The following FRMD6 variants were observed in gnomAD, a reference collection of about 807,000 sequenced individuals.
FRMD6 encodes FERM domain containing 6.
A neutral mutation model predicts 73.2 loss-of-function variants in FRMD6; 37 were observed. The ratio of observed to expected loss-of-function variants is 0.51; its 90% CI spans 0.39 to 0.66. The LOEUF is 0.66. Among genes scored for constraint, FRMD6 ranks in the 30% least tolerant of loss-of-function variants. FRMD6 has a pLI of 0.00. For missense variants in FRMD6, 714 were observed against 780.5 expected (o/e 0.91, Z 1.02); for synonymous variants, 273 against 282.2 (o/e 0.97, Z 0.33).
In FRMD6 at chr14:51,725,842, G is replaced by A. The variant is rs367984773; in HGVS notation, c.1556G>A (p.Arg519His). The A allele has an allele frequency of 2.5e-5, 40 of 1,613,392 alleles. No homozygotes were observed. Among genetic ancestry groups the A allele is most frequent in the Middle Eastern group, 1.6e-4 (1 of 6,080 alleles). ...SSSSETVVKL[R>H]GQSTDSLPQT... ...TCTTCAGAAACAGTTGTTAAGCTTC[G>A]TGGCCAGAGTACTGATTCTCTTCCA... Residue 519 changes from arginine to histidine, a missense_variant, in exon 13 of 14, where the codon CGT becomes CAT. Physicochemically the swap from Arg to His is conservative, Grantham distance 29 (BLOSUM62 0). Transcript: ENST00000344768.
chr14:51,407,813 G>C, the FRMD6 span, among the ~76,000 whole-genome samples: 2,052 of 152,128 alleles, frequency 0.013, 27 homozygotes, highest in African/African-American at 0.034. Context: ...TTAATTGCCT[G>C]ATTAGCAGAG....
At chr14:51,466,519 C>G in the FRMD6 span, among the ~76,000 whole-genome samples, 6 of 152,092 alleles carry the variant, frequency 3.9e-5, no homozygotes, top group African/African-American at 1.2e-4. Context: ...ATTTCTTTCC[C>G]CATTGAATCA....
chr14:51,473,787 A>T, the FRMD6 span, among the ~76,000 whole-genome samples: 1 of 151,128 alleles, frequency 6.6e-6, no homozygotes, highest in Non-Finnish European at 1.5e-5. Context: ...AAGGACTTGT[A>T]GTCCTGGTCT....
At chr14:51,694,076 G>A (rs945753751) in intron 2 of FRMD6, among the ~76,000 whole-genome samples, 9 of 152,152 alleles carry the variant, frequency 5.9e-5, no homozygotes, top group African/African-American at 1.9e-4. Flanking sequence ...TCCCTGACAG[G>A]TGTGGTTGAT....
intron 2 of FRMD6, among the ~76,000 whole-genome samples, chr14:51,696,744 G>A (rs948009851): frequency 8.3e-5 from 9 of 109,054 alleles, no homozygotes; most frequent in African/African-American, 2.6e-4. Flanking sequence ...GAGAGACCCT[G>A]TCTCTACAAA....
chr14:51,503,384 T>C (rs1277073499), intron 1 of FRMD6, among the ~76,000 whole-genome samples: 3 of 152,202 alleles, frequency 2.0e-5, no homozygotes, highest in Admixed American at 6.5e-5. Context: ...AATACCTAGT[T>C]TATTGAGAGT....
At chr14:51,672,571 G>A (rs1894085062) in intron 1 of FRMD6, among the ~76,000 whole-genome samples, 1 of 152,164 alleles carries the variant, frequency 6.6e-6, no homozygotes. Context: ...GATGCACTAG[G>A]TGGCTGGTAT....
intron 1 of FRMD6, among the ~76,000 whole-genome samples, chr14:51,661,535 A>T (rs921895830): frequency 6.6e-6 from 1 of 152,116 alleles, no homozygotes; most frequent in Non-Finnish European, 1.5e-5. Context: ...GGTTGTGTTG[A>T]TAAGGAGGAA....
rs537051242 is a variant in FRMD6, at chr14:51,700,687, C to T, written c.191-369C>T. 5.9e-5 allele frequency among the ~76,000 whole-genome samples: 9 copies of T among 152,092 alleles called. No individual in the cohort carries two copies. The East Asian group carries it at 1.7e-3, about 29-fold the overall frequency. ...ATTATTTTGTACCTATAAGAGCAGG[C>T]TTCTTTGAGCTGAACAAAAGCATGT... On this transcript the variant is annotated intron_variant, in intron 3 of 13. Transcript: ENST00000344768.
intron 1 of FRMD6, among the ~76,000 whole-genome samples, chr14:51,663,993 C>CA (rs1893404247): frequency 6.6e-6 from 1 of 152,224 alleles, no homozygotes; most frequent in Non-Finnish European, 1.5e-5. Flanking sequence ...CCCCATCTCC[C>CA]AATGCTATTG....
At chr14:51,503,251 G>C (rs902535935) in intron 1 of FRMD6, among the ~76,000 whole-genome samples, 1 of 152,184 alleles carries the variant, frequency 6.6e-6, no homozygotes, top group South Asian at 2.1e-4. Context: ...GGAGTGGTGA[G>C]AGGGGGCATT....
rs772417698 is a variant in FRMD6, at chr14:51,720,339, G to A, written c.1309G>A (p.Gly437Arg). ...MTSHGSSHTSGVESGGKDRLE... is the reference protein window; with the variant it reads ...MTSHGSSHTSRVESGGKDRLE... ...CAGTCATGGCAGCTCCCACACCTCA[G>A]GGGTGGAGAGTGGCGGCAAAGACCG... Residue 437 changes from glycine (G) to arginine (R), a missense_variant, in exon 11 of 14, where the codon GGG becomes AGG. Physicochemically the swap from Gly to Arg is moderately radical, Grantham distance 125. Coordinates refer to ENST00000344768, the MANE Select transcript of FRMD6 (RefSeq NM_001267046.2). 2 of 1,613,858 alleles carry A rather than the reference G, an allele frequency of 1.2e-6. No homozygotes were observed. The highest frequency in any genetic ancestry group is 4.5e-5 in the East Asian group (2 of 44,890).
chr14:51,500,579 G>C (rs1332207024), intron 1 of FRMD6, among the ~76,000 whole-genome samples: 1 of 152,082 alleles, frequency 6.6e-6, no homozygotes, highest in Non-Finnish European at 1.5e-5. Context: ...TGTATGTAAA[G>C]AGAAAGTTTT....
the FRMD6 span, among the ~76,000 whole-genome samples, chr14:51,405,105 C>T: frequency 1.3e-5 from 2 of 152,160 alleles, no homozygotes; most frequent in Non-Finnish European, 2.9e-5. Context: ...AAGACATGAT[C>T]TCACTCTTTT....
intron 1 of FRMD6, among the ~76,000 whole-genome samples, chr14:51,520,182 G>C (rs538033004): frequency 4.6e-5 from 7 of 152,254 alleles, no homozygotes; most frequent in Middle Eastern, 3.4e-3. Context: ...CAAATACTTT[G>C]CCAAAGAAGA....
At chr14:51,473,829 T>C in the FRMD6 span, among the ~76,000 whole-genome samples, 7 of 152,098 alleles carry the variant, frequency 4.6e-5, no homozygotes, top group South Asian at 1.5e-3. Flanking sequence ...CTTTACTTTT[T>C]TTTTTTTTTT....
chr14:51,421,185 A>G, the FRMD6 span, among the ~76,000 whole-genome samples: 1 of 152,216 alleles, frequency 6.6e-6, no homozygotes, highest in South Asian at 2.1e-4. Context: ...TGTTGACAGC[A>G]GCTACATTTT....
intron 2 of FRMD6, among the ~76,000 whole-genome samples, chr14:51,643,255 G>A (rs150498570): frequency 3.6e-4 from 55 of 152,284 alleles, no homozygotes; most frequent in African/African-American, 1.2e-3. Flanking sequence ...GTTGACCATT[G>A]AGAGTGGCAG....
the FRMD6 span, among the ~76,000 whole-genome samples, chr14:51,476,895 T>A: frequency 1.3e-5 from 2 of 152,224 alleles, no homozygotes; most frequent in African/African-American, 4.8e-5. Context: ...TTAAAACTTC[T>A]ACTGAAGAGA....
Sources: allele counts gnomAD v4.1 joint callset (sites outside exome capture counted in the v4.1 genomes callset), GRCh38; gene constraint gnomAD v4.1.1; transcripts MANE v1.5; gene names NCBI Gene and HGNC (gene_info 2026-07-23, HGNC 2026-07-21).